The following AFF3 variants were observed in gnomAD, a reference collection of about 807,000 sequenced individuals.
AFF3 encodes ALF transcription elongation factor 3, also known as AF4/FMR2 family member 3.
In AFF3, 32 loss-of-function variants were observed where a neutral mutation model predicts 129.7. The observed-to-expected ratio is 0.25, with a 90% CI of 0.19 to 0.33. The LOEUF (loss-of-function observed/expected upper bound fraction) is 0.33, where lower values mean the gene tolerates loss of function less well. AFF3 is among the 10% of genes least tolerant of loss of function. The pLI is 1.00. For synonymous variants in AFF3, 644 were observed against 635.4 expected (o/e 1.01, Z -0.20); for missense variants, 1,373 against 1,592.0 (o/e 0.86, Z 2.34).
intron 8 of AFF3, among the ~76,000 whole-genome samples, chr2:99,836,246 GGC>G (rs1688865201): frequency 6.6e-6 from 1 of 152,048 alleles, no homozygotes; most frequent in South Asian, 2.1e-4. Flanking sequence ...AAAGGAAGAT[GGC>G]TTAAAAATGG....
chr2:99,554,228 C>G, intron 24 of AFF3, 83 bp downstream of exon 24: 2 of 1,410,534 alleles, frequency 1.4e-6, no homozygotes, highest in South Asian at 2.3e-5. Flanking sequence ...GTGAGTATCC[C>G]AGCTACTCAG....
At chr2:99,997,594 A>G (rs1399000151) in intron 7 of AFF3, among the ~76,000 whole-genome samples, 2 of 151,900 alleles carry the variant, frequency 1.3e-5, no homozygotes, top group Non-Finnish European at 2.9e-5. Flanking sequence ...ACGTCAGATC[A>G]TGACACTCCT....
intron 8 of AFF3, among the ~76,000 whole-genome samples, chr2:99,792,651 T>C (rs1685281962): frequency 6.6e-6 from 1 of 152,158 alleles, no homozygotes; most frequent in Non-Finnish European, 1.5e-5. Flanking sequence ...GAAGTTTCCA[T>C]ATATTCCTAG....
At chr2:99,785,050 C>T (rs978124725) in intron 8 of AFF3, among the ~76,000 whole-genome samples, 1 of 152,158 alleles carries the variant, frequency 6.6e-6, no homozygotes, top group African/African-American at 2.4e-5. Context: ...ATGTTGCGCC[C>T]TCTGAGGTTT....
chr2:99,761,194 T>A (rs1038123240), intron 8 of AFF3, among the ~76,000 whole-genome samples: 96 of 152,036 alleles, frequency 6.3e-4, no homozygotes, highest in Non-Finnish European at 1.1e-3. Flanking sequence ...TCTTTTTTTT[T>A]TTTTTGTATA....
At chr2:99,765,595 G>T (rs1682945181) in intron 8 of AFF3, among the ~76,000 whole-genome samples, 1 of 152,162 alleles carries the variant, frequency 6.6e-6, no homozygotes, top group Non-Finnish European at 1.5e-5. Context: ...AGTGGTTAGT[G>T]ATAAATATAC....
chr2:99,846,948 C>T (rs1689769279), intron 7 of AFF3, among the ~76,000 whole-genome samples: 1 of 152,106 alleles, frequency 6.6e-6, no homozygotes, highest in African/African-American at 2.4e-5. Context: ...TGTATGCTCT[C>T]TGAGGTGATA....
At chr2:99,820,535 C>T (rs1253688595) in intron 8 of AFF3, among the ~76,000 whole-genome samples, 1 of 151,702 alleles carries the variant, frequency 6.6e-6, no homozygotes, top group Admixed American at 6.6e-5. Context: ...TTTATAAACA[C>T]TATGCACTTA....
chr2:99,695,649 T>C (rs551518073), intron 11 of AFF3, among the ~76,000 whole-genome samples: 2 of 152,302 alleles, frequency 1.3e-5, no homozygotes, highest in South Asian at 4.2e-4. Flanking sequence ...TGCTGTGTTA[T>C]AAATGAACAT....
At chr2:99,620,987 G>A (rs1337406747) in intron 13 of AFF3, among the ~76,000 whole-genome samples, 2 of 152,158 alleles carry the variant, frequency 1.3e-5, no homozygotes, top group African/African-American at 4.8e-5. Context: ...GCAGAACCAT[G>A]AGCCAAATAA....
At chr2:99,596,570 GCACA>G in intron 14 of AFF3, among the ~76,000 whole-genome samples, 1 of 151,866 alleles carries the variant, frequency 6.6e-6, no homozygotes, top group African/African-American at 2.4e-5. Context: ...TTGGAAGAGG[GCACA>G]CACACACACG....
At chr2:100,127,528 G>A (rs527822471) in intron 2 of AFF3, among the ~76,000 whole-genome samples, 1 of 152,292 alleles carries the variant, frequency 6.6e-6, no homozygotes, top group Non-Finnish European at 1.5e-5. Flanking sequence ...CCTGACCTCC[G>A]GTCCTGTTTT....
chr2:99,851,120 T>C (rs903081027), intron 7 of AFF3, among the ~76,000 whole-genome samples: 2 of 152,210 alleles, frequency 1.3e-5, no homozygotes, highest in African/African-American at 4.8e-5. Context: ...AACAAAGGGT[T>C]AAGCTCATTA....
rs111892054 is a variant in AFF3 at position 99,770,267 on chromosome 2, G to A, written c.922-17966C>T. On this transcript the variant is annotated intron_variant, in intron 8 of 24. Coordinates refer to ENST00000672756, the MANE Select transcript of AFF3 (RefSeq NM_001386135.1). ...AGCCTCATCCCAAGGCCACGACCACGACAGGCCCACAGGGATTACTGCCAG... is the reference window on the plus strand; with the variant it reads ...AGCCTCATCCCAAGGCCACGACCACAACAGGCCCACAGGGATTACTGCCAG... Among the ~76,000 whole-genome samples, 152 of 152,268 alleles carry A rather than the reference G, an allele frequency of 1.0e-3. 1 individual carries two copies. Among genetic ancestry groups the A allele is most frequent in the African/African-American group, 3.4e-3 (143 of 41,564 alleles).
At chr2:100,077,575 G>A (rs1344499605) in intron 4 of AFF3, among the ~76,000 whole-genome samples, 1 of 152,188 alleles carries the variant, frequency 6.6e-6, no homozygotes, top group Admixed American at 6.5e-5. Context: ...GCTGTTTTAA[G>A]CTGCTAAATT....
intron 8 of AFF3, among the ~76,000 whole-genome samples, chr2:99,771,358 A>G (rs1362653733): frequency 6.6e-6 from 1 of 151,384 alleles, no homozygotes; most frequent in Non-Finnish European, 1.5e-5. Flanking sequence ...CACGTTACCT[A>G]TGTAATAAGC....
chr2:99,707,055 C>T (rs1224930305), intron 11 of AFF3: 2 of 971,078 alleles, frequency 2.1e-6, no homozygotes, highest in Non-Finnish European at 1.2e-6. Flanking sequence ...TGTAATCATC[C>T]TACTTTTGAA....
chr2:99,946,473 T>TAAAAAAAAAAA lies in AFF3; in HGVS notation c.873+60148_873+60158dup, dbSNP rs55672296. ...TGGTTGACAGAGTGAGACGCCATCT[T>TAAAAAAAAAAA]AAAAAAAAAAAAAAAAAAAAAAAAA... On this transcript the variant is annotated intron_variant, in intron 7 of 24. Coordinates refer to ENST00000672756, the MANE Select transcript of AFF3 (RefSeq NM_001386135.1). 1.6e-3 allele frequency among the ~76,000 whole-genome samples: 79 copies of TAAAAAAAAAAA among 50,498 alleles called. 1 individual carries two copies. The highest frequency in any genetic ancestry group is 3.2e-3 in the African/African-American group (36 of 11,198). 33.1% of individuals were successfully genotyped at this position (50,498 alleles called of 152,430 possible).
At chr2:99,581,898 A>G (rs796296488) in intron 17 of AFF3, among the ~76,000 whole-genome samples, 4 of 131,906 alleles carry the variant, frequency 3.0e-5, no homozygotes, top group Admixed American at 1.7e-4. Context: ...TGTGTCGCCC[A>G]GGCTGGAGTG....
Sources: gnomAD v4.1 joint callset for allele counts (sites outside exome capture counted in the v4.1 genomes callset) on GRCh38, gnomAD v4.1.1 for gene constraint, MANE v1.5 for transcripts, NCBI Gene and HGNC (gene_info 2026-07-23, HGNC 2026-07-21) for gene names.